The following PPP1R7 variants were observed in gnomAD, a reference collection of about 807,000 sequenced individuals.
PPP1R7 encodes the protein protein phosphatase 1 regulatory subunit 7.
In PPP1R7, 18 loss-of-function variants were observed where a neutral mutation model predicts 45.2. The ratio of observed to expected loss-of-function variants is 0.40; its 90% CI spans 0.28 to 0.59. The LOEUF (loss-of-function observed/expected upper bound fraction) is 0.59. Ranked by LOEUF, PPP1R7 falls within the 20% of genes least tolerant of loss-of-function variation. The probability of loss-of-function intolerance (pLI) is 0.46; values close to 1 mark genes in which losing one functional copy is unlikely to be tolerated. For synonymous variants in PPP1R7, 181 were observed against 183.4 expected, an observed-to-expected ratio of 0.99 and a Z score of 0.11; for missense variants, 314 against 455.8, an observed-to-expected ratio of 0.69 and a Z score of 2.83.
intron 9 of PPP1R7, 154 bp downstream of exon 9, chr2:241,170,021 T>G: frequency 1.6e-6 from 1 of 608,812 alleles, no homozygotes; most frequent in South Asian, 1.9e-5. Context: ...CTTGTAGACT[T>G]GTATTGGGTG....
At chr2:241,157,940 G>A (rs2067496844) in intron 3 of PPP1R7, 78 bp downstream of exon 3, 1 of 1,472,044 alleles carries the variant, frequency 6.8e-7, no homozygotes, top group African/African-American at 1.4e-5. Context: ...AGATTAGTAA[G>A]TTATTTCCCT....
At chr2:241,171,191 C>A (rs2067809287) in intron 9 of PPP1R7, among the ~76,000 whole-genome samples, 1 of 152,164 alleles carries the variant, frequency 6.6e-6, no homozygotes, top group Non-Finnish European at 1.5e-5. Context: ...AGTGCTGAGA[C>A]CACAGGCAGG....
At chr2:241,158,339 C>A in intron 3 of PPP1R7, 145 bp from the exon 4 acceptor site, 1 of 713,866 alleles carries the variant, frequency 1.4e-6, no homozygotes, top group Non-Finnish European at 2.5e-6. Context: ...CCCCGCAGCA[C>A]ACCTTGTCAC....
chr2:241,159,730 T>C (rs2067543040), intron 5 of PPP1R7, among the ~76,000 whole-genome samples: 1 of 152,174 alleles, frequency 6.6e-6, no homozygotes, highest in Non-Finnish European at 1.5e-5. Context: ...ACATTTCTAA[T>C]TTAAGGAGTC....
intron 4 of PPP1R7, 70 bp downstream of exon 4, chr2:241,158,619 G>C: frequency 6.7e-7 from 1 of 1,489,164 alleles, no homozygotes; most frequent in Non-Finnish European, 9.3e-7. Flanking sequence ...GAATCGAGCA[G>C]TCAGTCCTGA....
At chr2:241,163,819 T>G (rs1161461734) in intron 7 of PPP1R7, among the ~76,000 whole-genome samples, 1 of 152,176 alleles carries the variant, frequency 6.6e-6, no homozygotes, top group African/African-American at 2.4e-5. Context: ...CTCACTATGT[T>G]GCCTAGGCTG....
intron 2 of PPP1R7, 139 bp downstream of exon 2, chr2:241,153,743 G>C: frequency 9.2e-7 from 1 of 1,084,396 alleles, no homozygotes; most frequent in Non-Finnish European, 1.3e-6. Context: ...CAGTGGCCCA[G>C]GGCAGGTGGA....
At chr2:241,157,908 C>T in intron 3 of PPP1R7, 46 bp downstream of exon 3, 2 of 1,562,250 alleles carry the variant, frequency 1.3e-6, no homozygotes, top group Non-Finnish European at 1.8e-6. Context: ...TGATGGACCA[C>T]CCTGTCAGGT....
At chr2:241,160,542 C>A in intron 6 of PPP1R7, 48 bp downstream of exon 6, 2 of 1,504,854 alleles carry the variant, frequency 1.3e-6, no homozygotes, top group East Asian at 2.4e-5. Flanking sequence ...AGGCAGCTAG[C>A]GGGCTGTGTG....
intron 8 of PPP1R7, among the ~76,000 whole-genome samples, chr2:241,167,913 G>A (rs2067747957): frequency 6.6e-6 from 1 of 152,020 alleles, no homozygotes; most frequent in Admixed American, 6.6e-5. Context: ...TTTTATGGTG[G>A]GAAATAAGAA....
rs746921230 is a variant in PPP1R7 at position 241,160,318 on chromosome 2, T to G, written c.435-14T>G. Reference sequence around the variant, plus strand: ...CGTGAAATTTTTTTAAAAAACTGTTTTGGTTGTTCTCAGGATTCTAGATAT... The same window carrying G: ...CGTGAAATTTTTTTAAAAAACTGTTGTGGTTGTTCTCAGGATTCTAGATAT... On this transcript the variant is annotated splice_polypyrimidine_tract_variant and intron_variant, in intron 5 of 9. Coordinates refer to ENST00000234038, the MANE Select transcript of PPP1R7 (RefSeq NM_002712.3). The G allele has an allele frequency of 1.3e-6, 2 of 1,578,400 alleles. No homozygotes were observed. Among genetic ancestry groups the G allele is most frequent in the Non-Finnish European group, 1.7e-6 (2 of 1,168,684 alleles).
intron 9 of PPP1R7, among the ~76,000 whole-genome samples, chr2:241,170,646 T>G (rs1364312836): frequency 6.6e-6 from 1 of 152,254 alleles, no homozygotes; most frequent in Admixed American, 6.5e-5. Flanking sequence ...TAAGGCATCA[T>G]TCTTCCTTGT....
chr2:241,163,453 CTGCTGGACACAATCTTAG>C lies in PPP1R7; in HGVS notation c.714+54_714+71del, dbSNP rs1349210083. 3 of 1,243,958 alleles carry C rather than the reference CTGCTGGACACAATCTTAG, an allele frequency of 2.4e-6. No individual in the cohort carries two copies. In the Admixed American group the frequency reaches 5.5e-5, roughly 23 times the overall value. 77.1% of individuals were successfully genotyped at this position (1,243,958 alleles called of 1,614,324 possible). ...CCTGCGAGCCCTGGCAGGGCCAGCG[CTGCTGGACACAATCTTAG>C]TTTTTATCCTTCACTGCCTTCACAA... is the stretch of plus-strand genomic sequence containing the variant. On this transcript the variant is annotated intron_variant, in intron 7 of 9. Coordinates refer to ENST00000234038, the MANE Select transcript of PPP1R7 (RefSeq NM_002712.3).
In PPP1R7 at chr2:241,157,830, A is replaced by G; in HGVS notation, c.205A>G (p.Met69Val). Residue 69 changes from methionine (M) to valine (V), a missense_variant, in exon 3 of 10, where the codon ATG becomes GTG. By Grantham distance (21) the Met-to-Val change is conservative (BLOSUM62 1). Around this residue, in one of 3 missense-constraint regions of PPP1R7, gnomAD observed 112 missense variants for 144.5 expected, o/e 0.78. Transcript: ENST00000234038. ...PEEEHELPVD[M>V]ETINLDRDAE... ...AGAAGAACATGAGCTGCCTGTGGAC[A>G]TGGAAACCATCAACCTGGACAGAGA... The G allele has an allele frequency of 1.2e-6, 2 of 1,614,138 alleles. No homozygotes were observed. Among genetic ancestry groups the G allele is most frequent in the Non-Finnish European group, 1.7e-6 (2 of 1,179,972 alleles).
At chr2:241,173,868 TA>T (rs1306601404) in intron 9 of PPP1R7, among the ~76,000 whole-genome samples, 2 of 152,234 alleles carry the variant, frequency 1.3e-5, no homozygotes, top group Non-Finnish European at 2.9e-5. Flanking sequence ...ATGAATTTTT[TA>T]TTTCAGATAC....
At position 241,180,732 on chromosome 2, in the gene PPP1R7, C is replaced by A. The variant is rs187500368; in HGVS notation, c.907-1915C>A. 6.8e-3 allele frequency among the ~76,000 whole-genome samples: 937 copies of A among 138,140 alleles called. 45 individuals carry two copies. Among genetic ancestry groups the A allele is most frequent in the African/African-American group, 0.032 (897 of 28,128 alleles). 90.6% of individuals were successfully genotyped at this position (138,140 alleles called of 152,430 possible). On this transcript the variant is annotated intron_variant, in intron 9 of 9. Coordinates refer to ENST00000234038, the MANE Select transcript of PPP1R7 (RefSeq NM_002712.3). ...AGTAGCATTTAAGAAGGTACGCTCA[C>A]GTCCCGTCCACATGGAGGCACTGGT...
intron 9 of PPP1R7, among the ~76,000 whole-genome samples, chr2:241,178,618 C>T (rs1490873959): frequency 4.3e-4 from 31 of 71,830 alleles, no homozygotes; most frequent in African/African-American, 1.5e-3. Context: ...CACCACGCTC[C>T]GCTAATTTTT....
At chr2:241,154,831 T>C (rs751417647) in intron 2 of PPP1R7, among the ~76,000 whole-genome samples, 9 of 152,250 alleles carry the variant, frequency 5.9e-5, no homozygotes, top group Non-Finnish European at 1.3e-4. Context: ...ATTTTGTGTT[T>C]TCTAGATTTG....
chr2:241,153,721 C>T (rs1374009391), intron 2 of PPP1R7, 117 bp downstream of exon 2: 1 of 1,335,812 alleles, frequency 7.5e-7, no homozygotes, highest in East Asian at 2.4e-5. Context: ...TGCCGTGCTC[C>T]TTAGGGGTCC....
Sources: gnomAD v4.1 joint callset for allele counts (sites outside exome capture counted in the v4.1 genomes callset) on GRCh38, gnomAD v4.1.1 for gene constraint, gnomAD v4.1.1 regional missense constraint, MANE v1.5 for transcripts, NCBI Gene and HGNC (gene_info 2026-07-23, HGNC 2026-07-21) for gene names.